The following GLIS3 variants were observed in gnomAD, a reference collection of about 807,000 sequenced individuals.
The protein encoded by GLIS3 is zinc finger protein GLIS3.
A neutral mutation model predicts 78.6 loss-of-function variants in GLIS3; 53 were observed. The ratio of observed to expected loss-of-function variants is 0.67; its 90% confidence interval spans 0.54 to 0.85. The LOEUF is 0.85. Ranked by LOEUF, GLIS3 falls within the 40% of genes least tolerant of loss-of-function variation. The pLI is 0.00. For synonymous variants in GLIS3, 684 were observed against 509.9 expected, an observed-to-expected ratio of 1.34 and a Z score of -4.60; for missense variants, 1,703 against 1,231.1, an observed-to-expected ratio of 1.38 and a Z score of -5.74.
chr9:4,322,659 C>T (rs1375152689), intron 2 of GLIS3, among the ~76,000 whole-genome samples: 1 of 152,128 alleles, frequency 6.6e-6, no homozygotes, highest in Non-Finnish European at 1.5e-5. Context: ...CTCTGATGAC[C>T]AGTGATGATG....
chr9:3,947,750 A>C (rs1304724241), intron 4 of GLIS3, among the ~76,000 whole-genome samples: 2 of 152,236 alleles, frequency 1.3e-5, no homozygotes, highest in African/African-American at 4.8e-5. Context: ...AAGAGATGCA[A>C]GTGGGCAGGA....
intron 4 of GLIS3, among the ~76,000 whole-genome samples, chr9:3,946,652 G>C (rs981309758): frequency 6.6e-6 from 1 of 152,140 alleles, no homozygotes; most frequent in Non-Finnish European, 1.5e-5. Context: ...TTGATATTCT[G>C]AGAAATTTGT....
intron 4 of GLIS3, among the ~76,000 whole-genome samples, chr9:4,050,179 A>G (rs939940734): frequency 4.6e-5 from 7 of 152,204 alleles, no homozygotes; most frequent in African/African-American, 1.7e-4. Flanking sequence ...TCACCATAGC[A>G]AAGACTTGGA....
intron 2 of GLIS3, among the ~76,000 whole-genome samples, chr9:4,319,417 T>C (rs958020417): frequency 1.3e-5 from 2 of 152,248 alleles, no homozygotes; most frequent in South Asian, 2.1e-4. Flanking sequence ...AAGCTCATTA[T>C]TCTATTCTTG....
In GLIS3 at chr9:4,125,792, G is replaced by A; in HGVS notation, c.538C>T (p.Pro180Ser). 6.2e-7 allele frequency: 1 copy of A among 1,614,118 alleles called. No homozygotes were observed. The highest frequency in any genetic ancestry group is 8.5e-7 in the Non-Finnish European group (1 of 1,180,004). Residue 180 changes from proline (P) to serine (S), a missense_variant, in exon 3 of 11, where the codon CCT (proline) becomes TCT (serine). Coordinates refer to ENST00000381971, the MANE Select transcript of GLIS3 (RefSeq NM_001042413.2). The part of the protein sequence containing the change: ...QVSTACNQIS[P>S]SLQRAMNAAN... ...GCATTCATTGCCCTCTGTAAGCTAGGACTGATCTGGTTGCATGCTGTAGAG... is the reference window on the plus strand; with the variant it reads ...GCATTCATTGCCCTCTGTAAGCTAGAACTGATCTGGTTGCATGCTGTAGAG...
chr9:4,116,836 A>T (rs1223849821), intron 4 of GLIS3, among the ~76,000 whole-genome samples: 1 of 152,172 alleles, frequency 6.6e-6, no homozygotes, highest in South Asian at 2.1e-4. Flanking sequence ...GTCCATCTAA[A>T]CTAATATAAA....
the GLIS3 span, among the ~76,000 whole-genome samples, chr9:4,396,260 C>A: frequency 6.6e-6 from 1 of 152,196 alleles, no homozygotes; most frequent in Admixed American, 6.5e-5. Context: ...TTACAGGCAT[C>A]CACCACTATG....
At chr9:4,298,215 G>A (rs1816761519) in intron 1 of GLIS3, among the ~76,000 whole-genome samples, 2 of 152,108 alleles carry the variant, frequency 1.3e-5, no homozygotes, top group South Asian at 4.1e-4. Context: ...GCCCGGGGGC[G>A]CCACGGCCGG....
the GLIS3 span, among the ~76,000 whole-genome samples, chr9:4,370,857 CAT>C: frequency 2.6e-5 from 4 of 151,986 alleles, no homozygotes; most frequent in African/African-American, 4.8e-5. Flanking sequence ...AAAATAAAGA[CAT>C]ATGAATATAT....
At chr9:3,879,852 G>C (rs1174208359) in intron 7 of GLIS3, among the ~76,000 whole-genome samples, 1 of 152,120 alleles carries the variant, frequency 6.6e-6, no homozygotes, top group African/African-American at 2.4e-5. Flanking sequence ...TGCCCTGCCA[G>C]TTCCCTGTCT....
At chr9:3,976,920 G>C (rs1033431671) in intron 4 of GLIS3, among the ~76,000 whole-genome samples, 1 of 141,026 alleles carries the variant, frequency 7.1e-6, no homozygotes, top group African/African-American at 2.6e-5. Context: ...AATATTTTGA[G>C]AGAACTTGTT....
chr9:4,216,170 CAAG>C (rs1266109932), intron 2 of GLIS3, among the ~76,000 whole-genome samples: 1 of 151,874 alleles, frequency 6.6e-6, no homozygotes, highest in Admixed American at 6.6e-5. Flanking sequence ...TAATTTCATG[CAAG>C]AAGAAAATGT....
intron 2 of GLIS3, among the ~76,000 whole-genome samples, chr9:4,187,462 T>C (rs1430262557): frequency 1.3e-5 from 2 of 152,186 alleles, no homozygotes; most frequent in South Asian, 2.1e-4. Flanking sequence ...TGGCTTAGGA[T>C]TGACTTGGCG....
At chr9:4,355,086 A>G in the GLIS3 span, among the ~76,000 whole-genome samples, 3 of 150,954 alleles carry the variant, frequency 2.0e-5, no homozygotes, top group South Asian at 4.2e-4. Context: ...AGCCGAGATC[A>G]CACCACTGCA....
At chr9:3,867,921 A>G (rs1445351) in intron 8 of GLIS3, among the ~76,000 whole-genome samples, 22,783 of 152,196 alleles carry the variant, frequency 0.15, 1,969 homozygotes, top group Non-Finnish European at 0.19. Flanking sequence ...CTGCATAAAA[A>G]TGCTGTGGCC....
At chr9:3,832,744 C>G (rs1818121256) in intron 9 of GLIS3, among the ~76,000 whole-genome samples, 1 of 152,130 alleles carries the variant, frequency 6.6e-6, no homozygotes, top group Non-Finnish European at 1.5e-5. Flanking sequence ...ACAATATTTG[C>G]TATCTATATC....
chr9:4,153,588 C>T (rs1367428624), intron 2 of GLIS3, among the ~76,000 whole-genome samples: 1 of 151,940 alleles, frequency 6.6e-6, no homozygotes, highest in African/African-American at 2.4e-5. Flanking sequence ...TTGTGGAACA[C>T]AGAAGGAAGA....
chr9:4,268,200 T>C lies in GLIS3; in HGVS notation c.388+17838A>G, dbSNP rs540872439. 9.2e-5 allele frequency among the ~76,000 whole-genome samples: 14 copies of C among 151,754 alleles called. No homozygotes were observed. The East Asian group carries it at 1.5e-3, about 17-fold the overall frequency. On this transcript the variant is annotated intron_variant, in intron 2 of 10. Coordinates refer to ENST00000381971, the MANE Select transcript of GLIS3 (RefSeq NM_001042413.2). ...CGAAAATTACTCAGTTACACCTTAG[T>C]TTTTTCATTTGTAAAACAGGAGTCA...
intron 6 of GLIS3, among the ~76,000 whole-genome samples, chr9:3,917,805 G>C (rs886555217): frequency 6.6e-6 from 1 of 152,148 alleles, no homozygotes; most frequent in Admixed American, 6.5e-5. Flanking sequence ...GGACATAGTT[G>C]CTCCTTGAAA....
Sources: allele counts gnomAD v4.1 joint callset (sites outside exome capture counted in the v4.1 genomes callset), GRCh38; gene constraint gnomAD v4.1.1; transcripts MANE v1.5; gene names NCBI Gene and HGNC (gene_info 2026-07-23, HGNC 2026-07-21).